Variants in CCSER1 observed in about 807,000 individuals in gnomAD.
CCSER1 encodes the protein coiled-coil serine rich protein 1.
Under a neutral mutation model 82.0 loss-of-function variants are expected in CCSER1, and 41 were observed. That is an observed-to-expected ratio of 0.50 (90% CI 0.39 to 0.65). The LOEUF is 0.65. Among genes scored for constraint, CCSER1 ranks in the 30% least tolerant of loss-of-function variants. The probability of loss-of-function intolerance (pLI) is 0.00; values close to 1 mark genes in which losing one functional copy is unlikely to be tolerated. For missense variants in CCSER1, 1,119 were observed against 1,064.2 expected, an observed-to-expected ratio of 1.05 and a Z score of -0.72; for synonymous variants, 414 against 383.9, an observed-to-expected ratio of 1.08 and a Z score of -0.92.
At chr4:90,342,347 A>C in intron 3 of CCSER1, among the ~76,000 whole-genome samples, 1 of 152,152 alleles carries the variant, frequency 6.6e-6, no homozygotes, top group Non-Finnish European at 1.5e-5. Flanking sequence ...CCATTTGGGC[A>C]ATTTCACGTC....
chr4:91,562,111 G>T (rs146524219), intron 10 of CCSER1, among the ~76,000 whole-genome samples: 3 of 151,404 alleles, frequency 2.0e-5, no homozygotes, highest in Admixed American at 1.3e-4. Context: ...ATAGGGTTAA[G>T]GTTAATGTAA....
intron 5 of CCSER1, among the ~76,000 whole-genome samples, chr4:90,591,592 TA>T (rs1329945223): frequency 6.6e-6 from 1 of 152,206 alleles, no homozygotes; most frequent in African/African-American, 2.4e-5. Context: ...GATGGGAGTC[TA>T]AATTAGTTCA....
chr4:90,912,874 A>G (rs1011371314), intron 8 of CCSER1, among the ~76,000 whole-genome samples: 13 of 152,222 alleles, frequency 8.5e-5, no homozygotes, highest in Non-Finnish European at 1.3e-4. Context: ...GATCAACTGG[A>G]AGAAAGGGTA....
chr4:90,472,906 G>A (rs1489589891), intron 5 of CCSER1, among the ~76,000 whole-genome samples: 1 of 152,104 alleles, frequency 6.6e-6, no homozygotes, highest in African/African-American at 2.4e-5. Context: ...CAGCAACGTG[G>A]ATGGAGCTGG....
chr4:90,657,638 T>A (rs1729952029), intron 6 of CCSER1, among the ~76,000 whole-genome samples: 1 of 152,210 alleles, frequency 6.6e-6, no homozygotes, highest in African/African-American at 2.4e-5. Context: ...TTTCTCTTCA[T>A]CTGTATTAAA....
chr4:90,152,125 G>A (rs1316056001), intron 1 of CCSER1, among the ~76,000 whole-genome samples: 2 of 152,110 alleles, frequency 1.3e-5, no homozygotes, highest in East Asian at 1.9e-4. Context: ...TTCTTAGCTT[G>A]TGTCACTAAA....
chr4:91,412,274 C>T (rs533926575), intron 10 of CCSER1, among the ~76,000 whole-genome samples: 70 of 152,126 alleles, frequency 4.6e-4, no homozygotes, highest in Non-Finnish European at 9.1e-4. Flanking sequence ...GGAAGAGTCA[C>T]ACCCACTCAA....
intron 5 of CCSER1, among the ~76,000 whole-genome samples, chr4:90,501,690 T>A (rs1393318857): frequency 6.6e-6 from 1 of 152,214 alleles, no homozygotes; most frequent in Non-Finnish European, 1.5e-5. Context: ...TAAGCTGTAC[T>A]ATGTTGTTGT....
rs1255103089 is a variant in CCSER1 at position 90,662,001 on chromosome 4, T to TTTC, written c.1932+33771_1932+33772insCTT. Among the ~76,000 whole-genome samples the TTTC allele has an allele frequency of 8.5e-4, 92 of 108,270 alleles. 1 individual carries two copies. In the East Asian group the frequency reaches 0.023, roughly 27 times the overall value. The allele number at this position is 108,270 out of a possible 152,430, so 71.0% of individuals were successfully genotyped here. A position where few individuals can be genotyped will look rare whatever the true frequency, so the allele number is the denominator to read the frequency against. On this transcript the variant is annotated intron_variant, in intron 6 of 10. Transcript: ENST00000509176. ...ATACCACTCTTTGTTTCTTTCTTTC[T>TTTC]TTTTTTTTTTTTTTTGAGACTTAGT... is the stretch of plus-strand genomic sequence containing the variant.
chr4:90,301,186 C>T (rs1362258329), intron 1 of CCSER1, among the ~76,000 whole-genome samples: 1 of 152,050 alleles, frequency 6.6e-6, no homozygotes, highest in Non-Finnish European at 1.5e-5. Context: ...TTTAGTCCAA[C>T]TTTAAGTAGG....
chr4:91,019,426 C>G (rs1387252091), intron 9 of CCSER1, among the ~76,000 whole-genome samples: 1 of 151,874 alleles, frequency 6.6e-6, no homozygotes, highest in Non-Finnish European at 1.5e-5. Flanking sequence ...ATTATTTTAG[C>G]TTACTGCTTG....
chr4:90,768,880 C>T (rs1751657813), intron 7 of CCSER1, among the ~76,000 whole-genome samples: 1 of 152,068 alleles, frequency 6.6e-6, no homozygotes. Context: ...GGATTGTTAA[C>T]CAAAGAGGAG....
intron 4 of CCSER1, among the ~76,000 whole-genome samples, chr4:90,463,371 G>T (rs762874800): frequency 5.3e-5 from 8 of 152,296 alleles, no homozygotes; most frequent in African/African-American, 1.9e-4. Flanking sequence ...GCGAGAAATA[G>T]ATCAAATTTG....
intron 6 of CCSER1, among the ~76,000 whole-genome samples, chr4:90,661,231 T>C (rs6853920): frequency 1.3e-5 from 2 of 151,416 alleles, no homozygotes; most frequent in African/African-American, 4.9e-5. Flanking sequence ...GTGCTTTTAA[T>C]TTATTCTGTA....
At chr4:90,792,840 A>T (rs797011261) in intron 7 of CCSER1, among the ~76,000 whole-genome samples, 5 of 152,218 alleles carry the variant, frequency 3.3e-5, no homozygotes, top group African/African-American at 1.2e-4. Context: ...GGCTCTGGGG[A>T]ATAGGGGCTG....
At chr4:90,783,930 A>G (rs1015708856) in intron 7 of CCSER1, among the ~76,000 whole-genome samples, 6 of 152,134 alleles carry the variant, frequency 3.9e-5, no homozygotes, top group African/African-American at 1.4e-4. Flanking sequence ...TAATAAGTGA[A>G]TTATAGCTGA....
intron 10 of CCSER1, among the ~76,000 whole-genome samples, chr4:91,330,814 T>A (rs916278119): frequency 6.6e-6 from 1 of 152,176 alleles, no homozygotes; most frequent in Non-Finnish European, 1.5e-5. Context: ...CTTTTCACGG[T>A]TTAAGTTATC....
rs576491739 is a variant in CCSER1, at chr4:91,103,185, G to A, written c.2217+17191G>A. ...CCCATTCCTTAGTCATCTCTCCTTC[G>A]AGGTCATTTATTTGACATTAGGTCC... On this transcript the variant is annotated intron_variant, in intron 10 of 10. Coordinates refer to ENST00000509176, the MANE Select transcript of CCSER1 (RefSeq NM_001145065.2). Among the ~76,000 whole-genome samples the A allele has an allele frequency of 1.3e-3, 191 of 152,094 alleles. 2 individuals are homozygous for A. The highest frequency in any genetic ancestry group is 3.7e-3 in the African/African-American group (155 of 41,486).
intron 9 of CCSER1, among the ~76,000 whole-genome samples, chr4:90,925,353 A>G (rs1031816114): frequency 2.0e-5 from 3 of 152,170 alleles, no homozygotes; most frequent in Non-Finnish European, 4.4e-5. Flanking sequence ...TGTGCTTGGA[A>G]AAGAGAAAAC....
Sources: allele counts gnomAD v4.1 joint callset (sites outside exome capture counted in the v4.1 genomes callset), GRCh38; gene constraint gnomAD v4.1.1; transcripts MANE v1.5; gene names NCBI Gene and HGNC (gene_info 2026-07-23, HGNC 2026-07-21).